DPYD: variants seen among roughly 807,000 people sequenced by gnomAD.
The protein encoded by DPYD is dihydropyrimidine dehydrogenase [NADP(+)].
A neutral mutation model predicts 116.2 loss-of-function variants in DPYD; 109 were observed. The ratio of observed to expected loss-of-function variants is 0.94; its 90% CI spans 0.80 to 1.10. The LOEUF is 1.10. Among genes scored for constraint, DPYD ranks in the 50% least tolerant of loss-of-function variants. The pLI, the probability that DPYD is intolerant of heterozygous loss-of-function variation, is 0.00. For synonymous variants in DPYD, 440 were observed against 432.0 expected (o/e 1.02, Z -0.23); for missense variants, 1,302 against 1,254.5 (o/e 1.04, Z -0.57).
chr1:97,745,911 G>A (rs1205356521), intron 3 of DPYD, among the ~76,000 whole-genome samples: 2 of 152,026 alleles, frequency 1.3e-5, no homozygotes, highest in African/African-American at 4.8e-5. Context: ...CTCCTTGCCA[G>A]AGTAATTTGA....
At chr1:97,750,565 A>C (rs1664816331) in intron 3 of DPYD, among the ~76,000 whole-genome samples, 1 of 152,194 alleles carries the variant, frequency 6.6e-6, no homozygotes, top group African/African-American at 2.4e-5. Flanking sequence ...CATTATCCTA[A>C]GTAATTTTTA....
chr1:97,626,526 A>T (rs1269487174), intron 8 of DPYD, among the ~76,000 whole-genome samples: 1 of 152,072 alleles, frequency 6.6e-6, no homozygotes, highest in Non-Finnish European at 1.5e-5. Context: ...CCTCTGCCTA[A>T]CTGAAAATTG....
At chr1:97,696,031 G>A (rs2100963145) in intron 6 of DPYD, among the ~76,000 whole-genome samples, 1 of 151,986 alleles carries the variant, frequency 6.6e-6, no homozygotes, top group Non-Finnish European at 1.5e-5. Flanking sequence ...TTGGGAGGCG[G>A]AGGCAGAAGA....
chr1:97,132,633 T>C (rs1653425991), intron 20 of DPYD, among the ~76,000 whole-genome samples: 1 of 152,152 alleles, frequency 6.6e-6, no homozygotes, highest in African/African-American at 2.4e-5. Flanking sequence ...CCTTCTTCCA[T>C]CTTTTTCATG....
chr1:97,108,151 A>G (rs1651308193), intron 20 of DPYD, among the ~76,000 whole-genome samples: 1 of 152,148 alleles, frequency 6.6e-6, no homozygotes, highest in Non-Finnish European at 1.5e-5. Context: ...TCAAGAAGCA[A>G]TGCCCCATGG....
In DPYD at chr1:97,714,483, A is replaced by T. The variant is rs12406631; in HGVS notation, c.483+7027T>A. On this transcript the variant is annotated intron_variant, in intron 5 of 22. Coordinates refer to ENST00000370192, the MANE Select transcript of DPYD (RefSeq NM_000110.4). The stretch of plus-strand genomic sequence containing the variant: ...CTCGGCCTCCCAAAATGCTAGGATT[A>T]AAGGCATGACCCACCACGCCTGGCC... Among the ~76,000 whole-genome samples the T allele has an allele frequency of 6.2e-3, 948 of 152,112 alleles. 11 individuals are homozygous for T. The highest frequency in any genetic ancestry group is 9.5e-3 in the Admixed American group (145 of 15,252).
At chr1:97,230,801 A>G (rs1661541085) in intron 19 of DPYD, among the ~76,000 whole-genome samples, 1 of 152,164 alleles carries the variant, frequency 6.6e-6, no homozygotes, top group Admixed American at 6.5e-5. Context: ...AAGAGTGGAC[A>G]GAAATTTAGT....
At chr1:97,081,158 A>G (rs1159371436) in intron 22 of DPYD, among the ~76,000 whole-genome samples, 1 of 152,032 alleles carries the variant, frequency 6.6e-6, no homozygotes, top group East Asian at 1.9e-4. Context: ...TTAAATTAAA[A>G]TATGTCTGTC....
chr1:97,894,099 A>C (rs1571544411), intron 1 of DPYD, among the ~76,000 whole-genome samples: 2 of 151,936 alleles, frequency 1.3e-5, no homozygotes, highest in Middle Eastern at 3.4e-3. Context: ...GAGAGGCTGG[A>C]AAGTCTAAGA....
intron 18 of DPYD, among the ~76,000 whole-genome samples, chr1:97,258,236 A>G (rs1358964581): frequency 6.6e-6 from 1 of 152,116 alleles, no homozygotes; most frequent in Non-Finnish European, 1.5e-5. Flanking sequence ...GTTCCATGTC[A>G]GCTCTGACTG....
At chr1:97,725,681 G>C (rs1265658580) in intron 4 of DPYD, among the ~76,000 whole-genome samples, 1 of 151,380 alleles carries the variant, frequency 6.6e-6, no homozygotes, top group Admixed American at 6.6e-5. Context: ...AGGTTTCTAA[G>C]GCAATTCAAT....
At chr1:97,135,206 T>C (rs983775854) in intron 20 of DPYD, among the ~76,000 whole-genome samples, 2 of 152,186 alleles carry the variant, frequency 1.3e-5, no homozygotes, top group Non-Finnish European at 2.9e-5. Context: ...TGATATGGTA[T>C]AGGTATTTGA....
intron 20 of DPYD, among the ~76,000 whole-genome samples, chr1:97,180,813 G>A (rs1382177863): frequency 1.3e-5 from 2 of 152,076 alleles, no homozygotes; most frequent in African/African-American, 2.4e-5. Flanking sequence ...ATTTGTGTTT[G>A]GCAATTTGAT....
intron 4 of DPYD, among the ~76,000 whole-genome samples, chr1:97,732,779 T>C (rs1663701276): frequency 6.6e-6 from 1 of 152,100 alleles, no homozygotes; most frequent in South Asian, 2.1e-4. Context: ...TACAGTAACA[T>C]TAGTAATAAA....
At chr1:97,393,112 T>C (rs908117963) in intron 14 of DPYD, among the ~76,000 whole-genome samples, 1 of 151,982 alleles carries the variant, frequency 6.6e-6, no homozygotes, top group African/African-American at 2.4e-5. Context: ...TCCTTTGCAT[T>C]CACACTTTAG....
intron 2 of DPYD, among the ~76,000 whole-genome samples, chr1:97,849,414 T>C (rs925007971): frequency 1.3e-5 from 2 of 152,348 alleles, no homozygotes; most frequent in African/African-American, 4.8e-5. Context: ...TCTTACTCTA[T>C]ATATGGCATT....
At chr1:97,143,876 C>T (rs1214605606) in intron 20 of DPYD, among the ~76,000 whole-genome samples, 1 of 152,114 alleles carries the variant, frequency 6.6e-6, no homozygotes, top group East Asian at 1.9e-4. Flanking sequence ...ATTCTTAATA[C>T]ATTTGTAACG....
At chr1:97,442,680 C>A (rs907683044) in intron 14 of DPYD, among the ~76,000 whole-genome samples, 5 of 151,838 alleles carry the variant, frequency 3.3e-5, no homozygotes, top group African/African-American at 1.2e-4. Context: ...TGATATAGGA[C>A]ATATAATGAA....
At chr1:97,718,211 G>A (rs1308453075) in intron 5 of DPYD, among the ~76,000 whole-genome samples, 2 of 151,896 alleles carry the variant, frequency 1.3e-5, no homozygotes, top group Non-Finnish European at 2.9e-5. Flanking sequence ...GCATTTCCCT[G>A]ATGACTGGTG....
Sources: allele counts gnomAD v4.1 joint callset (sites outside exome capture counted in the v4.1 genomes callset), GRCh38; gene constraint gnomAD v4.1.1; transcripts MANE v1.5; gene names NCBI Gene and HGNC (gene_info 2026-07-23, HGNC 2026-07-21).